Variants in ANO7 observed in about 807,000 individuals in gnomAD.
ANO7 encodes the protein anoctamin-7.
A neutral mutation model predicts 115.8 loss-of-function variants in ANO7; 114 were observed. The ratio of observed to expected loss-of-function variants is 0.98; its 90% CI spans 0.85 to 1.15. The LOEUF is 1.15. Among genes scored for constraint, ANO7 ranks in the 50% most tolerant of loss-of-function variants. The pLI, the probability that ANO7 is intolerant of heterozygous loss-of-function variation, is 0.00. For missense variants in ANO7, 1,302 were observed against 1,201.2 expected (o/e 1.08, Z -1.24); for synonymous variants, 550 against 498.2 (o/e 1.10, Z -1.38).
At chr2:241,226,675 C>T (rs1410924739), downstream of ANO7, among the ~76,000 whole-genome samples, 8 of 152,190 alleles carry the variant, frequency 5.3e-5, no homozygotes, top group Admixed American at 3.9e-4. Flanking sequence ...CCGCCCACCT[C>T]GGCTTCCCAA....
chr2:241,215,023 T>TGGGGTG, intron 18 of ANO7, 121 bp downstream of exon 18: 1 of 915,592 alleles, frequency 1.1e-6, no homozygotes, highest in Non-Finnish European at 1.6e-6. Context: ...GCACCTTGCC[T>TGGGGTG]GGGGAGGGGG....
chr2:241,195,829 G>A lies in ANO7; in HGVS notation c.293G>A (p.Gly98Glu). 6.2e-7 allele frequency: 1 copy of A among 1,614,230 alleles called. No individual in the cohort carries two copies. Among genetic ancestry groups the A allele is most frequent in the Non-Finnish European group, 8.5e-7 (1 of 1,180,028 alleles). Residue 98 changes from glycine to glutamate, a missense_variant, in exon 4 of 25, where the codon GGG becomes GAG. Physicochemically the swap from Gly to Glu is moderately conservative, Grantham distance 98 (BLOSUM62 -2). Coordinates refer to ENST00000674324, the MANE Select transcript of ANO7 (RefSeq NM_001370694.2). ...TTTCTGGATAATCTTCGTGCGGCTG[G>A]GCTGTGTGTAGACCAGGTACGTGGA... ...ETFLDNLRAA[G>E]LCVDQQDVQD...
downstream of ANO7, chr2:241,229,489 G>A: frequency 1.3e-6 from 1 of 778,706 alleles, no homozygotes; most frequent in Non-Finnish European, 2.1e-6. Context: ...CGGGAAGGGG[G>A]AAGAGCGTCA....
At chr2:241,229,701 G>C, downstream of ANO7, 1 of 1,613,752 alleles carries the variant, frequency 6.2e-7, no homozygotes, top group Non-Finnish European at 8.5e-7. Context: ...TGCAGAGAGA[G>C]GACACGGCTT....
Position 241,225,311 on chromosome 2 carries a change from G to A in ANO7, c.*1158G>A, listed in dbSNP as rs1232978015. The A allele has an allele frequency of 2.0e-5, 3 of 152,092 alleles. No homozygotes were observed. The highest frequency in any genetic ancestry group is 3.4e-3 in the Middle Eastern group (1 of 290). 9.4% of individuals were successfully genotyped at this position (152,092 alleles called of 1,614,324 possible). A position where few individuals can be genotyped will look rare whatever the true frequency, so the allele number is the denominator to read the frequency against. ...GAGGCTGAGGCAGGAGGATTACAAG[G>A]TCAGGAGTTCGGGACTAGCCTGTCC... On this transcript the variant is annotated 3_prime_UTR_variant, in exon 25 of 25. Coordinates refer to ENST00000674324, the MANE Select transcript of ANO7 (RefSeq NM_001370694.2).
At chr2:241,232,142 G>A in the ANO7 span, among the ~76,000 whole-genome samples, 2 of 152,188 alleles carry the variant, frequency 1.3e-5, no homozygotes, top group African/African-American at 4.8e-5. Context: ...GGCACCACCC[G>A]CGTGCTGCCA....
downstream of ANO7, chr2:241,228,063 C>T (rs944664356): frequency 6.6e-6 from 1 of 152,246 alleles, no homozygotes; most frequent in Non-Finnish European, 1.5e-5. Context: ...TGGGTCTACT[C>T]AAGAATTCGA....
At chr2:241,193,967 C>A (rs2068260681) in intron 3 of ANO7, among the ~76,000 whole-genome samples, 2 of 152,264 alleles carry the variant, frequency 1.3e-5, no homozygotes, top group South Asian at 4.1e-4. Context: ...ACCTCCACCT[C>A]CCAGGTTCAA....
rs1464139155 is a variant in ANO7 at position 241,218,398 on chromosome 2, G to C, written c.2321+17G>C. On this transcript the variant is annotated intron_variant, in intron 21 of 24. Transcript: ENST00000674324. ...CACGTGCAGGTGAGCCCCGCGCCAG[G>C]TGGAGGGGGCCGCGGGCGCACGAGG... 7.5e-7 allele frequency: 1 copy of C among 1,330,918 alleles called. No individual in the cohort carries two copies. Among genetic ancestry groups the C allele is most frequent in the African/African-American group, 1.5e-5 (1 of 65,822 alleles). The allele number at this position is 1,330,918 out of a possible 1,614,324, so 82.4% of individuals were successfully genotyped here.
At chr2:241,215,911 T>A (rs2068818352) in intron 18 of ANO7, among the ~76,000 whole-genome samples, 182 bp from the exon 19 acceptor site, 1 of 152,018 alleles carries the variant, frequency 6.6e-6, no homozygotes, top group East Asian at 1.9e-4. Context: ...TTTCACTGAG[T>A]CCGATCTGCA....
downstream of ANO7, among the ~76,000 whole-genome samples, chr2:241,226,229 T>G (rs1475420187): frequency 6.6e-6 from 1 of 151,826 alleles, no homozygotes; most frequent in Non-Finnish European, 1.5e-5. Flanking sequence ...CAAGCAGAGA[T>G]GGAACTGGGG....
Position 241,223,243 on chromosome 2 carries a change from T to TG in ANO7, c.2380dup (p.Ala794GlyfsTer11), listed in dbSNP as rs1269550766. On this transcript the variant is annotated frameshift_variant, in exon 22 of 25. Transcript: ENST00000674324. LOFTEE classifies it high-confidence loss of function. The stretch of plus-strand genomic sequence containing the variant: ...ATTCCCAGACCTACTGGAATCTTCT[T>TG]GCCATCCGCCTGGCCTTCGTCATTG... 6.2e-7 allele frequency: 1 copy of TG among 1,614,138 alleles called. No individual in the cohort carries two copies. Among genetic ancestry groups the TG allele is most frequent in the East Asian group, 2.2e-5 (1 of 44,900 alleles).
the ANO7 span, chr2:241,235,171 C>G: frequency 6.2e-7 from 1 of 1,614,148 alleles, no homozygotes; most frequent in Non-Finnish European, 8.5e-7. Context: ...AGCAGTCCAG[C>G]CTTGGCCCGG....
chr2:241,221,418 A>C (rs1356386203), intron 21 of ANO7, among the ~76,000 whole-genome samples: 3 of 148,740 alleles, frequency 2.0e-5, no homozygotes, highest in Non-Finnish European at 4.5e-5. Context: ...TTGCTCTGTC[A>C]CCCAGGCTGG....
intron 1 of ANO7, 110 bp from the exon 2 acceptor site, chr2:241,189,947 C>T (rs1278079678): frequency 7.5e-6 from 6 of 805,134 alleles, no homozygotes; most frequent in African/African-American, 6.9e-5. Flanking sequence ...CATTCTACTC[C>T]GAGTCGAGTC....
chr2:241,200,962 G>GCCCTCTCTACACCGCCCTGC (rs1162232025), intron 6 of ANO7, among the ~76,000 whole-genome samples: 2 of 152,220 alleles, frequency 1.3e-5, no homozygotes, highest in African/African-American at 4.8e-5. Context: ...GGCCAGCCTG[G>GCCCTCTCTACACCGCCCTGC]CCCTCTCTAC....
intron 7 of ANO7, 120 bp from the exon 8 acceptor site, chr2:241,202,074 T>C (rs892240129): frequency 2.7e-6 from 2 of 752,930 alleles, no homozygotes; most frequent in Non-Finnish European, 4.5e-6. Context: ...AGATCGCTAT[T>C]GTCACCAGAA....
At chr2:241,212,348 C>T in intron 16 of ANO7, 143 bp downstream of exon 16, 2 of 938,812 alleles carry the variant, frequency 2.1e-6, no homozygotes, top group Non-Finnish European at 3.3e-6. Flanking sequence ...GGGACAGGGG[C>T]CCATGCCTCC....
intron 3 of ANO7, among the ~76,000 whole-genome samples, chr2:241,193,195 G>A (rs2871618): frequency 0.074 from 11,305 of 151,790 alleles, 970 homozygotes; most frequent in East Asian, 0.3. Context: ...TCAGCCTCCC[G>A]AGTAGCTGGG....
Sources: gnomAD v4.1 joint callset for allele counts (sites outside exome capture counted in the v4.1 genomes callset) on GRCh38, gnomAD v4.1.1 for gene constraint, MANE v1.5 for transcripts, NCBI Gene and HGNC (gene_info 2026-07-23, HGNC 2026-07-21) for gene names.